MAP2: variants seen among roughly 807,000 people sequenced by gnomAD.
The protein encoded by MAP2 is microtubule associated protein 2, also known as microtubule-associated protein 2.
Under a neutral mutation model 137.6 loss-of-function variants are expected in MAP2, and 14 were observed. That is an observed-to-expected ratio of 0.10 (90% confidence interval 0.07 to 0.16). MAP2 has a LOEUF of 0.16. Among genes scored for constraint, MAP2 ranks in the 10% least tolerant of loss-of-function variants. The pLI is 1.00. For missense variants in MAP2, 2,088 were observed against 2,191.5 expected, an observed-to-expected ratio of 0.95 and a Z score of 0.94; for synonymous variants, 786 against 782.3, an observed-to-expected ratio of 1.00 and a Z score of -0.08.
intron 4 of MAP2, among the ~76,000 whole-genome samples, chr2:209,635,867 A>G (rs1223551624): frequency 6.6e-6 from 1 of 152,090 alleles, no homozygotes; most frequent in Non-Finnish European, 1.5e-5. Flanking sequence ...TTCAAAGGGA[A>G]GAAAACTGGC....
chr2:209,707,272 A>T (rs920800110), intron 12 of MAP2, among the ~76,000 whole-genome samples: 5 of 152,174 alleles, frequency 3.3e-5, no homozygotes, highest in Non-Finnish European at 5.9e-5. Flanking sequence ...TTGACTTTTT[A>T]AATTTACTGA....
chr2:209,449,410 T>G (rs1010673716), intron 1 of MAP2, among the ~76,000 whole-genome samples: 2 of 152,182 alleles, frequency 1.3e-5, no homozygotes, highest in Non-Finnish European at 2.9e-5. Context: ...AGAATGCGTT[T>G]CCCTCTCCTT....
intron 3 of MAP2, among the ~76,000 whole-genome samples, chr2:209,615,474 A>G (rs1467377037): frequency 6.6e-6 from 1 of 152,248 alleles, no homozygotes; most frequent in African/African-American, 2.4e-5. Context: ...TTCATGAGAT[A>G]ATACAGTAGT....
In MAP2 at chr2:209,499,685, A is replaced by G. The variant is rs957314618; in HGVS notation, c.-221-7907A>G. On this transcript the variant is annotated intron_variant, in intron 1 of 15. Coordinates refer to ENST00000682079, the MANE Select transcript of MAP2 (RefSeq NM_001375505.1). ...CGGCATCAGCTTCTGGGGAGGCCTCAGGGGGCTTTTACTCATGGTGGAGAG... is the reference window on the plus strand; with the variant it reads ...CGGCATCAGCTTCTGGGGAGGCCTCGGGGGGCTTTTACTCATGGTGGAGAG... 2.7e-4 allele frequency among the ~76,000 whole-genome samples: 41 copies of G among 152,158 alleles called. 1 individual carries two copies. The highest frequency in any genetic ancestry group is 9.7e-4 in the African/African-American group (40 of 41,444).
chr2:209,651,896 CTTTA>C (rs1333087980), intron 4 of MAP2, among the ~76,000 whole-genome samples: 2 of 152,150 alleles, frequency 1.3e-5, no homozygotes, highest in East Asian at 3.8e-4. Context: ...GGAAAACTTA[CTTTA>C]TTTATACTTT....
chr2:209,724,354 A>G (rs1370902246), intron 13 of MAP2, among the ~76,000 whole-genome samples: 2 of 152,158 alleles, frequency 1.3e-5, no homozygotes, highest in Non-Finnish European at 2.9e-5. Flanking sequence ...GCAGAATTGA[A>G]ATGGTCAGAC....
chr2:209,704,171 G>C (rs2062641165), intron 11 of MAP2: 1 of 398,448 alleles, frequency 2.5e-6, no homozygotes, highest in Admixed American at 3.4e-5. Context: ...ATGTCCGTGT[G>C]TACCCATTGT....
At chr2:209,506,071 T>C (rs1020023396) in intron 1 of MAP2, among the ~76,000 whole-genome samples, 9 of 152,136 alleles carry the variant, frequency 5.9e-5, no homozygotes, top group Admixed American at 3.9e-4. Context: ...GTTGTTGGCT[T>C]TATAGCCAAA....
intron 4 of MAP2, among the ~76,000 whole-genome samples, chr2:209,625,906 C>G (rs1175622947): frequency 1.3e-5 from 2 of 152,098 alleles, no homozygotes; most frequent in East Asian, 3.9e-4. Flanking sequence ...TTACATCTTT[C>G]TTTAAACTCA....
chr2:209,716,442 A>G (rs548809759), intron 13 of MAP2, among the ~76,000 whole-genome samples: 4 of 152,336 alleles, frequency 2.6e-5, no homozygotes, highest in Non-Finnish European at 4.4e-5. Flanking sequence ...TGTCCAACCC[A>G]TGGCCCTTGG....
chr2:209,606,592 G>C (rs1273011897), intron 3 of MAP2, among the ~76,000 whole-genome samples: 1 of 152,122 alleles, frequency 6.6e-6, no homozygotes, highest in Non-Finnish European at 1.5e-5. Context: ...GCAAAGTCTA[G>C]TAAAACCTAG....
At chr2:209,627,647 A>T (rs2153538531) in intron 4 of MAP2, among the ~76,000 whole-genome samples, 1 of 152,258 alleles carries the variant, frequency 6.6e-6, no homozygotes, top group East Asian at 1.9e-4. Flanking sequence ...TCTGTTTGTC[A>T]CATATATAGA....
intron 3 of MAP2, among the ~76,000 whole-genome samples, chr2:209,617,895 A>G (rs1229351258): frequency 6.6e-6 from 1 of 152,082 alleles, no homozygotes; most frequent in Admixed American, 6.6e-5. Flanking sequence ...ACATTTTTTT[A>G]TCCTGCATAT....
At chr2:209,568,882 A>G (rs1422565594) in intron 2 of MAP2, among the ~76,000 whole-genome samples, 1 of 151,784 alleles carries the variant, frequency 6.6e-6, no homozygotes, top group East Asian at 1.9e-4. Context: ...TTCCGCACTA[A>G]TTCTCTTAAT....
At chr2:209,573,316 A>C (rs1469602732) in intron 2 of MAP2, among the ~76,000 whole-genome samples, 1 of 51,328 alleles carries the variant, frequency 1.9e-5, no homozygotes, top group African/African-American at 9.5e-5. Flanking sequence ...TTTTTTTTTG[A>C]GGAGTCTTAC....
At chr2:209,707,015 C>A (rs1166289595) in intron 12 of MAP2, among the ~76,000 whole-genome samples, 5 of 151,960 alleles carry the variant, frequency 3.3e-5, no homozygotes, top group African/African-American at 1.2e-4. Flanking sequence ...TTAGTACTCT[C>A]CAGGGAAGAG....
chr2:209,463,927 G>A lies in MAP2; in HGVS notation c.-222+39651G>A, dbSNP rs201255987. On this transcript the variant is annotated intron_variant, in intron 1 of 15. Coordinates refer to ENST00000682079, the MANE Select transcript of MAP2 (RefSeq NM_001375505.1). ...TTGCCTTTTAAACTAGCTCTCAGTC[G>A]CTAGATTTAGAGTGGTTTATATAGT... Among the ~76,000 whole-genome samples, 18 of 152,160 alleles carry A rather than the reference G, an allele frequency of 1.2e-4. 1 individual carries two copies. The East Asian group carries it at 3.1e-3, about 26-fold the overall frequency.
At chr2:209,442,443 T>G (rs1247912579) in intron 1 of MAP2, among the ~76,000 whole-genome samples, 3 of 151,738 alleles carry the variant, frequency 2.0e-5, no homozygotes, top group Non-Finnish European at 3.0e-5. Flanking sequence ...AAGATCAGAT[T>G]GCAGTTAATG....
chr2:209,544,885 G>A (rs992959368), intron 2 of MAP2, among the ~76,000 whole-genome samples: 3 of 152,144 alleles, frequency 2.0e-5, no homozygotes, highest in African/African-American at 7.2e-5. Context: ...ATTACTCTGG[G>A]CTTGAATAGC....
Sources: allele counts gnomAD v4.1 joint callset (sites outside exome capture counted in the v4.1 genomes callset), GRCh38; gene constraint gnomAD v4.1.1; transcripts MANE v1.5; gene names NCBI Gene and HGNC (gene_info 2026-07-23, HGNC 2026-07-21).